Variants in TNXB observed in about 807,000 individuals in gnomAD.
TNXB encodes the protein tenascin XB.
TNXB carries 183 observed loss-of-function variants against 340.5 expected under a neutral mutation model. That is an observed-to-expected ratio of 0.54 (90% CI 0.48 to 0.61). TNXB has a LOEUF of 0.61. Among genes scored for constraint, TNXB ranks in the 20% least tolerant of loss-of-function variants. TNXB has a pLI of 0.00. For synonymous variants in TNXB, 2,121 were observed against 2,314.5 expected, an observed-to-expected ratio of 0.92 and a Z score of 2.40; for missense variants, 4,613 against 5,446.4, an observed-to-expected ratio of 0.85 and a Z score of 4.82.
chr6:32,068,585 C>T lies in TNXB; in HGVS notation c.6025G>A (p.Val2009Ile), dbSNP rs747608940. Residue 2009 changes from valine to isoleucine, a missense_variant, in exon 17 of 44, where the codon GTT becomes ATT. By Grantham distance (29) the Val-to-Ile change is conservative. Around this residue, in one of 7 missense-constraint regions of TNXB, gnomAD observed 4,327 missense variants for 4,859.4 expected, o/e 0.89. Transcript: ENST00000644971. This position sits in a 1 kb window ranked among gnomAD's most constrained non-coding sequence, Gnocchi z 5.3. ...AAGTGGTCAAACTGTCCCTCGGGAA[C>T]TGTCCAGGACAGGCTGAGGGAGTCA... ...TPDSLSLSWTVPEGQFDHFLV... is the reference protein window; with the variant it reads ...TPDSLSLSWTIPEGQFDHFLV... 1.9e-6 allele frequency: 3 copies of T among 1,614,004 alleles called. No individual in the cohort carries two copies. In the South Asian group the frequency reaches 3.3e-5, roughly 18 times the overall value.
In TNXB at chr6:32,052,323, C is replaced by T. The variant is rs1223731660; in HGVS notation, c.9115+347G>A. ...AAAATTAGCTGGGCGTGGTGGCGCA[C>T]GCCTGTAGTCCCAGTTACTCAGGAG... On this transcript the variant is annotated intron_variant, in intron 26 of 43. Transcript: ENST00000644971. This position sits in a 1 kb window ranked among gnomAD's most constrained non-coding sequence, Gnocchi z 4.7. Among the ~76,000 whole-genome samples the T allele has an allele frequency of 1.3e-5, 2 of 151,958 alleles. No individual in the cohort carries two copies. The highest frequency in any genetic ancestry group is 2.4e-5 in the African/African-American group (1 of 41,354).
Position 32,062,295 on chromosome 6 carries a change from G to A in TNXB, c.7030C>T (p.Pro2344Ser). Residue 2344 changes from proline (P) to serine (S), a missense_variant, in exon 20 of 44, where the codon CCC becomes TCC. This residue lies in a region of TNXB where 4,327 missense variants were observed against 4,859.4 expected (regional missense o/e 0.89). Transcript: ENST00000644971. This position sits in a 1 kb window ranked among gnomAD's most constrained non-coding sequence, Gnocchi z 4.3. Reference protein sequence around the residue: ...LVQYKNGDGQPKATRVPGHED... With the variant: ...LVQYKNGDGQSKATRVPGHED... ...TGTCCTGGCACCCGTGTTGCCTTGG[G>A]CTGCCCATCCCCATTCTTGTACTGG... The A allele has an allele frequency of 6.2e-7, 1 of 1,613,454 alleles. No individual in the cohort carries two copies. Among genetic ancestry groups the A allele is most frequent in the Non-Finnish European group, 8.5e-7 (1 of 1,179,842 alleles).
intron 35 of TNXB, 34 bp downstream of exon 35, chr6:32,043,715 C>T: frequency 6.2e-7 from 1 of 1,613,496 alleles, no homozygotes; most frequent in Non-Finnish European, 8.5e-7. Context: ...TTTCTTGGCT[C>T]CCACCTCTTG....
In TNXB at chr6:32,065,097, CA is replaced by C. The variant is rs774665697; in HGVS notation, c.6564del (p.Asp2189MetfsTer9). 3.8e-6 allele frequency: 6 copies of C among 1,583,242 alleles called. No individual in the cohort carries two copies. The highest frequency in any genetic ancestry group is 5.2e-6 in the Non-Finnish European group (6 of 1,163,936). ...VGVTAPEEES[P>X]DAPLAKLRLG... is the part of the protein sequence containing the mutation. The stretch of plus-strand genomic sequence containing the variant: ...AGGCGCAGCTTTGCAAGAGGAGCAT[CA>C]GGGGACTCCTCTTCGGGGGCTAGGA... On this transcript the variant is annotated frameshift_variant, in exon 19 of 44. Transcript: ENST00000644971. LOFTEE classifies it high-confidence loss of function.
intron 1 of TNXB, among the ~76,000 whole-genome samples, chr6:32,107,542 T>TCCCC: frequency 6.6e-6 from 1 of 152,208 alleles, no homozygotes; most frequent in South Asian, 2.1e-4. Context: ...TGCCACTATG[T>TCCCC]CTGGGGTGGT....
In TNXB at chr6:32,081,759, G is replaced by A; in HGVS notation, c.3737-86C>T. 1 of 837,790 alleles carries A rather than the reference G, an allele frequency of 1.2e-6. No homozygotes were observed. Among genetic ancestry groups the A allele is most frequent in the Non-Finnish European group, 1.9e-6 (1 of 536,982 alleles). The allele number at this position is 837,790 out of a possible 1,614,324, so 51.9% of individuals were successfully genotyped here. On this transcript the variant is annotated intron_variant, in intron 9 of 43. Transcript: ENST00000644971. The surrounding 1 kb of genome is among the most constrained non-coding windows in gnomAD (Gnocchi z 5.1). ...TTCGACGGGATGTCACACCTATGGG[G>A]GGTGGGGGGTCACTAGTCCATTAAT...
rs1414431026 is a variant in TNXB at position 32,082,398 on chromosome 6, G to C, written c.3446-72C>G. On this transcript the variant is annotated intron_variant, in intron 8 of 43. Coordinates refer to ENST00000644971, the MANE Select transcript of TNXB (RefSeq NM_001365276.2). This position sits in a 1 kb window ranked among gnomAD's most constrained non-coding sequence, Gnocchi z 5.0. Reference sequence around the variant, plus strand: ...AATGGGGAAGCCAAATCCCACATAGGAATGCTGTGTGAGGCTGTGCAGGTT... The same window carrying C: ...AATGGGGAAGCCAAATCCCACATAGCAATGCTGTGTGAGGCTGTGCAGGTT... The C allele has an allele frequency of 1.4e-6, 2 of 1,434,548 alleles. No individual in the cohort carries two copies. Among genetic ancestry groups the C allele is most frequent in the Non-Finnish European group, 1.9e-6 (2 of 1,057,882 alleles). The allele number at this position is 1,434,548 out of a possible 1,614,324, so 88.9% of individuals were successfully genotyped here.
rs768943895 is a variant in TNXB at position 32,048,438 on chromosome 6, G to A, written c.9970C>T (p.Arg3324Cys). Reference protein sequence around the residue: ...AVAVSGLDPARKYKFLLFGLQ... With the variant: ...AVAVSGLDPACKYKFLLFGLQ... ...CCAAAGAGCAGGAACTTGTACTTGC[G>A]GGCCGGGTCCAGCCCCGAGACGGCG... The change falls in exon 29 of 44, where the codon CGC (arginine) becomes TGC (cysteine). Residue 3324 changes from arginine (R) to cysteine (C), a missense_variant. Physicochemically the swap from Arg to Cys is radical, Grantham distance 180. This residue lies in a region of TNXB where 4,327 missense variants were observed against 4,859.4 expected (regional missense o/e 0.89). Coordinates refer to ENST00000644971, the MANE Select transcript of TNXB (RefSeq NM_001365276.2). 2.2e-5 allele frequency: 35 copies of A among 1,575,024 alleles called. No homozygotes were observed. Among genetic ancestry groups the A allele is most frequent in the South Asian group, 9.3e-5 (8 of 86,400 alleles).
chr6:32,049,945 C>G lies in TNXB; in HGVS notation c.9439+53G>C. ...TTCCCCACCAGTCATCACCAAAGAG[C>G]AAGAGGTGGCCCTCCCACAGCTCCC... On this transcript the variant is annotated intron_variant, in intron 27 of 43. Coordinates refer to ENST00000644971, the MANE Select transcript of TNXB (RefSeq NM_001365276.2). This position sits in a 1 kb window ranked among gnomAD's most constrained non-coding sequence, Gnocchi z 4.5. The G allele has an allele frequency of 6.2e-7, 1 of 1,609,524 alleles. No homozygotes were observed. Among genetic ancestry groups the G allele is most frequent in the Non-Finnish European group, 8.5e-7 (1 of 1,176,724 alleles).
chr6:32,062,102 G>A lies in TNXB; in HGVS notation c.7168+55C>T, dbSNP rs1778053538. 1 of 1,558,774 alleles carries A rather than the reference G, an allele frequency of 6.4e-7. No individual in the cohort carries two copies. The highest frequency in any genetic ancestry group is 1.4e-5 in the African/African-American group (1 of 73,904). On this transcript the variant is annotated intron_variant, in intron 20 of 43. Transcript: ENST00000644971. The surrounding 1 kb of genome is among the most constrained non-coding windows in gnomAD (Gnocchi z 4.3). ...ATTCCCCACCAGTCATCACCAAAGA[G>A]CAAGAGGGTGACCCTCCCATGGCTC... is the stretch of plus-strand genomic sequence containing the variant.
rs771399731 is a variant in TNXB at position 32,080,752 on chromosome 6, G to A, written c.4042+616C>T. ...CAAATAATTCACAGGCCAGGGGAAT[G>A]GCACTGGACAGGGAAAGGCTGGGGA... On this transcript the variant is annotated intron_variant, in intron 10 of 43. Transcript: ENST00000644971. This position sits in a 1 kb window ranked among gnomAD's most constrained non-coding sequence, Gnocchi z 4.3. Among the ~76,000 whole-genome samples, 1 of 152,206 alleles carries A rather than the reference G, an allele frequency of 6.6e-6. No homozygotes were observed. Among genetic ancestry groups the A allele is most frequent in the Non-Finnish European group, 1.5e-5 (1 of 68,034 alleles).
chr6:32,068,919 G>A lies in TNXB; in HGVS notation c.5805C>T (p.Thr1935=). 2 of 1,612,878 alleles carry A rather than the reference G, an allele frequency of 1.2e-6. No individual in the cohort carries two copies. Among genetic ancestry groups the A allele is most frequent in the Non-Finnish European group, 1.7e-6 (2 of 1,179,876 alleles). The part of the protein sequence containing the change: ...VRIGGDRNDI[T]LSGLESDHRY... ...TGTGGTCGGATTCCAGGCCAGAGAG[G>A]GTGATGTCATTCCGGTCACCTCCTA... The change falls in exon 16 of 44, where the codon ACC becomes ACT. Residue 1935 remains threonine, a synonymous_variant. Coordinates refer to ENST00000644971, the MANE Select transcript of TNXB (RefSeq NM_001365276.2). The surrounding 1 kb of genome is among the most constrained non-coding windows in gnomAD (Gnocchi z 5.3).
At chr6:32,053,100 A>G in intron 25 of TNXB, 107 bp from the exon 26 acceptor site, 6 of 1,262,850 alleles carry the variant, frequency 4.8e-6, no homozygotes, top group Non-Finnish European at 6.5e-6. Context: ...TCCTGGGGTC[A>G]GCTTGGAGAG....
rs749217346 is a variant in TNXB, at chr6:32,079,129, C to A, written c.4279G>T (p.Val1427Leu). 8 of 1,613,850 alleles carry A rather than the reference C, an allele frequency of 5.0e-6. No homozygotes were observed. The highest frequency in any genetic ancestry group is 4.4e-5 in the South Asian group (4 of 91,078). ...RVGGKESEVTVGGLEPGHKYK... is the reference protein window; with the variant it reads ...RVGGKESEVTLGGLEPGHKYK... Reference sequence around the variant, plus strand: ...TTGTGCCCGGGCTCTAGGCCTCCCACGGTGACCTCACTCTCCTTGCCCCCA... The same window carrying A: ...TTGTGCCCGGGCTCTAGGCCTCCCAAGGTGACCTCACTCTCCTTGCCCCCA... Residue 1427 changes from valine (V) to leucine (L), a missense_variant, in exon 11 of 44, where the codon GTG (valine) becomes TTG (leucine). Physicochemically the swap from Val to Leu is conservative, Grantham distance 32. Around this residue, in one of 7 missense-constraint regions of TNXB, gnomAD observed 4,327 missense variants for 4,859.4 expected, o/e 0.89. Coordinates refer to ENST00000644971, the MANE Select transcript of TNXB (RefSeq NM_001365276.2). The surrounding 1 kb of genome is among the most constrained non-coding windows in gnomAD (Gnocchi z 7.1).
intron 26 of TNXB, 37 bp from the exon 27 acceptor site, chr6:32,050,358 G>C (rs545001122): frequency 1.8e-4 from 290 of 1,603,248 alleles, no homozygotes; most frequent in Non-Finnish European, 1.9e-4. Context: ...AGGACCCTGG[G>C]TTCTCAGTTC....
Position 32,096,594 on chromosome 6 carries a change from A to T in TNXB, c.1259T>A (p.Val420Glu), listed in dbSNP as rs200226242. The T allele has an allele frequency of 2.3e-5, 36 of 1,586,066 alleles. No individual in the cohort carries two copies. The highest frequency in any genetic ancestry group is 3.3e-4 in the Middle Eastern group (2 of 6,048). Reference protein sequence around the residue: ...QRGRCEDGRCVCWPGYTGTDC... With the variant: ...QRGRCEDGRCECWPGYTGTDC... The stretch of plus-strand genomic sequence containing the variant: ...GGTTCCAGTGTACCCCGGCCAGCAC[A>T]CGCAGCGGCCGTCCTCGCAGCGGCC... The change falls in exon 3 of 44, where the codon GTG becomes GAG. Residue 420 changes from valine (V) to glutamate (E), a missense_variant. Physicochemically the swap from Val to Glu is moderately radical, Grantham distance 121. Coordinates refer to ENST00000644971, the MANE Select transcript of TNXB (RefSeq NM_001365276.2).
At chr6:32,065,775 A>G (rs1460482961) in intron 18 of TNXB, among the ~76,000 whole-genome samples, 1 of 152,016 alleles carries the variant, frequency 6.6e-6, no homozygotes, top group Admixed American at 6.6e-5. Context: ...GGCACGTGCC[A>G]CCACGCTCCG....
intron 18 of TNXB, among the ~76,000 whole-genome samples, chr6:32,066,378 A>C (rs1185964625): frequency 6.6e-6 from 1 of 152,120 alleles, no homozygotes; most frequent in African/African-American, 2.4e-5. Context: ...TGGGCAATAG[A>C]GTGGGAATTT....
Position 32,068,547 on chromosome 6 carries a change from G to A in TNXB, c.6063C>T (p.Tyr2021=). 1 of 1,613,984 alleles carries A rather than the reference G, an allele frequency of 6.2e-7. No homozygotes were observed. Among genetic ancestry groups the A allele is most frequent in the Non-Finnish European group, 8.5e-7 (1 of 1,179,904 alleles). Reference sequence around the variant, plus strand: ...CCTTGGGCTGCCCATCTCCATTCCTGTACTGGACCAGGAAGTGGTCAAACT... The same window carrying A: ...CCTTGGGCTGCCCATCTCCATTCCTATACTGGACCAGGAAGTGGTCAAACT... ...EGQFDHFLVQ[Y]RNGDGQPKAV... The change falls in exon 17 of 44, where the codon TAC becomes TAT. Residue 2021 remains tyrosine, a synonymous_variant. Coordinates refer to ENST00000644971, the MANE Select transcript of TNXB (RefSeq NM_001365276.2). This position sits in a 1 kb window ranked among gnomAD's most constrained non-coding sequence, Gnocchi z 5.3.
Sources: gnomAD v4.1 joint callset for allele counts (sites outside exome capture counted in the v4.1 genomes callset) on GRCh38, gnomAD v4.1.1 for gene constraint, gnomAD v4.1.1 regional missense constraint, Gnocchi (gnomAD v3.1) non-coding constraint, MANE v1.5 for transcripts, NCBI Gene and HGNC (gene_info 2026-07-23, HGNC 2026-07-21) for gene names.